The following RIN3 variants were observed in gnomAD, a reference collection of about 807,000 sequenced individuals.
RIN3 encodes Ras and Rab interactor 3.
Under a neutral mutation model 76.3 loss-of-function variants are expected in RIN3, and 54 were observed. The ratio of observed to expected loss-of-function variants is 0.71; its 90% confidence interval spans 0.57 to 0.89. The LOEUF is 0.89. Ranked by LOEUF, RIN3 falls within the 40% of genes least tolerant of loss-of-function variation. The probability of loss-of-function intolerance (pLI) is 0.00; values close to 1 mark genes in which losing one functional copy is unlikely to be tolerated. For missense variants in RIN3, 1,256 were observed against 1,322.1 expected (o/e 0.95, Z 0.78); for synonymous variants, 576 against 564.0 (o/e 1.02, Z -0.30).
intron 9 of RIN3, chr14:92,687,122 G>C (rs1414704338): frequency 6.6e-6 from 1 of 152,324 alleles, no homozygotes; most frequent in Non-Finnish European, 1.5e-5. Context: ...CGGGGAAGGC[G>C]AGGCCGCTCC....
At chr14:92,672,418 A>C (rs530505978) in intron 7 of RIN3, among the ~76,000 whole-genome samples, 7 of 152,260 alleles carry the variant, frequency 4.6e-5, no homozygotes, top group Admixed American at 3.3e-4. Context: ...TTCTACAAAA[A>C]AGAAAAAGAA....
intron 6 of RIN3, among the ~76,000 whole-genome samples, chr14:92,653,448 G>A (rs1887549413): frequency 6.6e-6 from 1 of 152,156 alleles, no homozygotes; most frequent in East Asian, 1.9e-4. Flanking sequence ...CTGAGGCTGA[G>A]TTCATCCTTG....
intron 2 of RIN3, among the ~76,000 whole-genome samples, chr14:92,571,515 A>G (rs1898060453): frequency 6.6e-6 from 1 of 152,080 alleles, no homozygotes; most frequent in Non-Finnish European, 1.5e-5. Flanking sequence ...GTTTGAATTT[A>G]ATTTCACAAC....
chr14:92,526,682 G>A (rs188227646), intron 1 of RIN3, among the ~76,000 whole-genome samples: 129 of 152,318 alleles, frequency 8.5e-4, no homozygotes, highest in African/African-American at 2.5e-3. Flanking sequence ...GAACCTGGGA[G>A]GCAGAGGTTG....
Position 92,528,985 on chromosome 14 carries a change from G to T in RIN3, c.44+15009G>T, listed in dbSNP as rs1392217103. Among the ~76,000 whole-genome samples, 3 of 152,136 alleles carry T rather than the reference G, an allele frequency of 2.0e-5. No individual in the cohort carries two copies. The South Asian group carries it at 6.2e-4, about 31-fold the overall frequency. On this transcript the variant is annotated intron_variant, in intron 1 of 9. Transcript: ENST00000216487. Reference sequence around the variant, plus strand: ...GGCCCAGCAGCCTCTGAGCTACACGGCCCATGGTAAGCTGGTGCCTGGCCT... The same window carrying T: ...GGCCCAGCAGCCTCTGAGCTACACGTCCCATGGTAAGCTGGTGCCTGGCCT...
intron 6 of RIN3, among the ~76,000 whole-genome samples, chr14:92,658,264 A>G (rs1373050476): frequency 6.6e-6 from 1 of 152,212 alleles, no homozygotes; most frequent in African/African-American, 2.4e-5. Flanking sequence ...ATAGGACGAC[A>G]TTCGAACAGT....
intron 2 of RIN3, among the ~76,000 whole-genome samples, chr14:92,572,877 CTTTTTTTTTTTT>C (rs763771909): frequency 3.0e-5 from 3 of 100,112 alleles, no homozygotes; most frequent in African/African-American, 1.3e-4. Context: ...CTTTTTTTTG[CTTTTTTTTTTTT>C]TTTTTTTTTT....
At chr14:92,566,687 C>T (rs376204829) in intron 2 of RIN3, among the ~76,000 whole-genome samples, 2 of 152,230 alleles carry the variant, frequency 1.3e-5, no homozygotes, top group Non-Finnish European at 2.9e-5. Context: ...AAAAAGAAGC[C>T]GCCCAGAAAG....
In RIN3 at chr14:92,651,790, GC is replaced by G; in HGVS notation, c.744del (p.Thr249ProfsTer90). 2 of 1,613,856 alleles carry G rather than the reference GC, an allele frequency of 1.2e-6. No individual in the cohort carries two copies. The highest frequency in any genetic ancestry group is 1.7e-6 in the Non-Finnish European group (2 of 1,179,860). On this transcript the variant is annotated frameshift_variant, in exon 6 of 10. Coordinates refer to ENST00000216487, the MANE Select transcript of RIN3 (RefSeq NM_024832.5). LOFTEE classifies it high-confidence loss of function. ...TCATCGAGGACTGCAGCAGCGCCCTGCCCACCGACCAGCCACCTCTTGGAAA... is the reference window on the plus strand; with the variant it reads ...TCATCGAGGACTGCAGCAGCGCCCTGCCACCGACCAGCCACCTCTTGGAAA... ...IFIEDCSSAL[P>X]TDQPPLGNCP...
At chr14:92,587,531 G>A (rs1884820551) in intron 3 of RIN3, among the ~76,000 whole-genome samples, 1 of 152,238 alleles carries the variant, frequency 6.6e-6, no homozygotes, top group Admixed American at 6.5e-5. Flanking sequence ...TGGCCTCAGA[G>A]GCAAGAGAAA....
intron 7 of RIN3, among the ~76,000 whole-genome samples, chr14:92,669,605 G>A (rs1888219202): frequency 6.6e-6 from 1 of 152,154 alleles, no homozygotes. Context: ...CTGGCTTTCA[G>A]TAAGAGCCCA....
chr14:92,670,627 A>C (rs1316133355), intron 7 of RIN3, among the ~76,000 whole-genome samples: 7 of 152,208 alleles, frequency 4.6e-5, no homozygotes, highest in Non-Finnish European at 1.0e-4. Context: ...CTTTCTCACC[A>C]ACGTCAACAG....
intron 1 of RIN3, among the ~76,000 whole-genome samples, chr14:92,519,358 G>C (rs1896529859): frequency 1.3e-5 from 2 of 152,318 alleles, no homozygotes; most frequent in South Asian, 4.1e-4. Flanking sequence ...AGCCCACTTT[G>C]GGGCAGGACC....
intron 2 of RIN3, among the ~76,000 whole-genome samples, chr14:92,573,636 A>G (rs1457659677): frequency 6.6e-6 from 1 of 152,220 alleles, no homozygotes. Context: ...GAATAATAAA[A>G]GACACTCTCA....
chr14:92,519,952 C>T (rs1164951536), intron 1 of RIN3, among the ~76,000 whole-genome samples: 1 of 152,210 alleles, frequency 6.6e-6, no homozygotes, highest in African/African-American at 2.4e-5. Flanking sequence ...CCTCTACTCT[C>T]CTGCCAGTAG....
chr14:92,587,046 G>C (rs939690564), intron 3 of RIN3, among the ~76,000 whole-genome samples: 2 of 152,244 alleles, frequency 1.3e-5, no homozygotes, highest in African/African-American at 4.8e-5. Flanking sequence ...AATCAAAGTT[G>C]AGGCTAGAAG....
chr14:92,555,963 G>A lies in RIN3; in HGVS notation c.249+8G>A, dbSNP rs1292320516. ...CACCGGGTGGTGGCTGGGGTGAGTG[G>A]GGGCGTCTCCCACTTGGTAGGCACA... is the stretch of plus-strand genomic sequence containing the variant. On this transcript the variant is annotated splice_region_variant and intron_variant, in intron 2 of 9. Transcript: ENST00000216487. The A allele has an allele frequency of 5.0e-6, 8 of 1,609,822 alleles. No homozygotes were observed. Among genetic ancestry groups the A allele is most frequent in the Non-Finnish European group, 2.5e-6 (3 of 1,179,466 alleles).
At chr14:92,591,706 C>A (rs1316637819) in intron 3 of RIN3, among the ~76,000 whole-genome samples, 3 of 151,912 alleles carry the variant, frequency 2.0e-5, no homozygotes, top group Non-Finnish European at 2.9e-5. Flanking sequence ...AGAAAAAAAA[C>A]ACCAACCAAG....
At chr14:92,556,253 A>C (rs1272151989) in intron 2 of RIN3, among the ~76,000 whole-genome samples, 1 of 152,076 alleles carries the variant, frequency 6.6e-6, no homozygotes, top group Non-Finnish European at 1.5e-5. Flanking sequence ...GGACTGATGC[A>C]GTCAGGAGGA....
Sources: allele counts gnomAD v4.1 joint callset (sites outside exome capture counted in the v4.1 genomes callset), GRCh38; gene constraint gnomAD v4.1.1; transcripts MANE v1.5; gene names NCBI Gene and HGNC (gene_info 2026-07-23, HGNC 2026-07-21).